TBL1XR1: variants seen among roughly 807,000 people sequenced by gnomAD.
The protein encoded by TBL1XR1 is TBL1X/Y related 1, also known as F-box-like/WD repeat-containing protein TBL1XR1.
TBL1XR1 carries 5 observed loss-of-function variants against 66.9 expected under a neutral mutation model. The ratio of observed to expected loss-of-function variants is 0.07; its 90% CI spans 0.04 to 0.16. TBL1XR1 has a LOEUF of 0.16. Among genes scored for constraint, TBL1XR1 ranks in the 10% least tolerant of loss-of-function variants. TBL1XR1 has a pLI of 1.00. For synonymous variants in TBL1XR1, 210 were observed against 206.0 expected, an observed-to-expected ratio of 1.02 and a Z score of -0.17; for missense variants, 238 against 623.2, an observed-to-expected ratio of 0.38 and a Z score of 6.58.
intron 2 of TBL1XR1, among the ~76,000 whole-genome samples, chr3:177,096,409 A>G (rs1723494648): frequency 6.6e-6 from 1 of 152,050 alleles, no homozygotes. Flanking sequence ...AACAAAACTG[A>G]CAAACATGTT....
At chr3:177,149,967 T>A (rs1173039427) in intron 1 of TBL1XR1, among the ~76,000 whole-genome samples, 2 of 152,212 alleles carry the variant, frequency 1.3e-5, no homozygotes. Context: ...AAATAAATCT[T>A]AAAGTGGGTA....
At position 177,187,886 on chromosome 3, in the gene TBL1XR1, A is replaced by G. The variant is rs1272125577; in HGVS notation, c.-122+9235T>C. ...AATCCACCATTTTAAGGTAATTAAA[A>G]TTTTTAAACATTTAAAAAGAAAAAA... On this transcript the variant is annotated intron_variant, in intron 1 of 15. Transcript: ENST00000457928. 3.3e-5 allele frequency among the ~76,000 whole-genome samples: 5 copies of G among 149,346 alleles called. No individual in the cohort carries two copies. The South Asian group carries it at 1.0e-3, about 31-fold the overall frequency.
chr3:177,077,459 T>A (rs528037964), intron 2 of TBL1XR1, among the ~76,000 whole-genome samples: 2 of 152,300 alleles, frequency 1.3e-5, no homozygotes, highest in East Asian at 3.9e-4. Context: ...ATTCACATAA[T>A]ACAAATGAAG....
chr3:177,069,809 G>GAAAGGAAGGAAAGGAAGGA (rs1332430077), intron 2 of TBL1XR1, among the ~76,000 whole-genome samples: 1 of 123,694 alleles, frequency 8.1e-6, no homozygotes, highest in African/African-American at 3.0e-5. Flanking sequence ...AGGAAGGAAG[G>GAAAGGAAGGAAAGGAAGGA]AAGGAAGGAA....
intron 1 of TBL1XR1, among the ~76,000 whole-genome samples, chr3:177,164,299 A>G (rs1265013810): frequency 6.6e-6 from 1 of 152,046 alleles, no homozygotes; most frequent in Admixed American, 6.6e-5. Context: ...AATGGCCCCT[A>G]AATTGTTAAA....
intron 2 of TBL1XR1, among the ~76,000 whole-genome samples, chr3:177,072,423 C>T (rs1433580414): frequency 6.6e-6 from 1 of 150,842 alleles, no homozygotes; most frequent in African/African-American, 2.4e-5. Flanking sequence ...GAATCAAGAC[C>T]TGATGGTATT....
intron 3 of TBL1XR1, among the ~76,000 whole-genome samples, chr3:177,060,136 G>A (rs1446370096): frequency 6.6e-6 from 1 of 152,044 alleles, no homozygotes; most frequent in Non-Finnish European, 1.5e-5. Context: ...CTTGCAGACA[G>A]CCTATTGTGG....
chr3:177,099,337 A>C (rs1723902241), intron 1 of TBL1XR1: 2 of 152,468 alleles, frequency 1.3e-5, no homozygotes, highest in African/African-American at 4.8e-5. Context: ...ACTGCACTCC[A>C]GCCTGGGGTA....
intron 1 of TBL1XR1, among the ~76,000 whole-genome samples, chr3:177,162,618 A>C (rs2108893955): frequency 6.6e-6 from 1 of 152,314 alleles, no homozygotes; most frequent in South Asian, 2.1e-4. Context: ...GAGCTGTTAA[A>C]ACTCATCAAA....
At chr3:177,190,588 G>C (rs922920226) in intron 1 of TBL1XR1, among the ~76,000 whole-genome samples, 1 of 152,182 alleles carries the variant, frequency 6.6e-6, no homozygotes, top group Non-Finnish European at 1.5e-5. Context: ...AAAGTGCAGA[G>C]ATTACAGGCG....
At chr3:177,195,079 C>A (rs944730110) in intron 1 of TBL1XR1, among the ~76,000 whole-genome samples, 1 of 152,092 alleles carries the variant, frequency 6.6e-6, no homozygotes, top group Non-Finnish European at 1.5e-5. Context: ...GTCCCCCATA[C>A]AGTTTAGTAT....
chr3:177,049,369 A>C (rs1716746544), intron 7 of TBL1XR1, among the ~76,000 whole-genome samples: 1 of 152,214 alleles, frequency 6.6e-6, no homozygotes, highest in South Asian at 2.1e-4. Flanking sequence ...TTAAAACTAT[A>C]ATGGTGAGAA....
intron 10 of TBL1XR1, among the ~76,000 whole-genome samples, chr3:177,039,595 T>C (rs765559593): frequency 5.3e-5 from 8 of 152,208 alleles, no homozygotes; most frequent in African/African-American, 1.2e-4. Flanking sequence ...TCTGAAATTA[T>C]TGAACATCCT....
At chr3:177,181,731 G>A (rs1376318897) in intron 1 of TBL1XR1, among the ~76,000 whole-genome samples, 10 of 151,672 alleles carry the variant, frequency 6.6e-5, no homozygotes, top group Non-Finnish European at 1.3e-4. Context: ...AGCAGTAGAT[G>A]TATGGACTGG....
chr3:177,088,030 T>C (rs1357315884), intron 2 of TBL1XR1, among the ~76,000 whole-genome samples: 1 of 152,222 alleles, frequency 6.6e-6, no homozygotes, highest in Non-Finnish European at 1.5e-5. Flanking sequence ...GCTCTCACAC[T>C]ACTCTGTGTT....
At chr3:177,067,300 G>T (rs1284738042) in intron 2 of TBL1XR1, among the ~76,000 whole-genome samples, 1 of 152,226 alleles carries the variant, frequency 6.6e-6, no homozygotes, top group Non-Finnish European at 1.5e-5. Flanking sequence ...TTCCCAAAAT[G>T]AGATGGGCTA....
At chr3:177,134,983 G>GTGTGTC (rs1553852581) in intron 1 of TBL1XR1, among the ~76,000 whole-genome samples, 3 of 145,486 alleles carry the variant, frequency 2.1e-5, no homozygotes, top group African/African-American at 5.3e-5. Context: ...GTGTGTCTGT[G>GTGTGTC]TGTGTGTGTT....
chr3:177,175,082 T>C (rs1450305913), intron 1 of TBL1XR1, among the ~76,000 whole-genome samples: 2 of 152,224 alleles, frequency 1.3e-5, no homozygotes, highest in East Asian at 1.9e-4. Context: ...TTATTTTTTA[T>C]GGTAAATTAT....
At chr3:177,089,025 G>A (rs904626498) in intron 2 of TBL1XR1, among the ~76,000 whole-genome samples, 1 of 152,090 alleles carries the variant, frequency 6.6e-6, no homozygotes, top group African/African-American at 2.4e-5. Context: ...ACTCTTTCTC[G>A]GCAGCGACCT....
Sources: allele counts gnomAD v4.1 joint callset (sites outside exome capture counted in the v4.1 genomes callset), GRCh38; gene constraint gnomAD v4.1.1; transcripts MANE v1.5; gene names NCBI Gene and HGNC (gene_info 2026-07-23, HGNC 2026-07-21).